NCOR1: variants seen among roughly 807,000 people sequenced by gnomAD.
NCOR1 encodes the protein protein phosphatase 1, regulatory subunit 109.
Under a neutral mutation model 288.1 loss-of-function variants are expected in NCOR1, and 63 were observed. That is an observed-to-expected ratio of 0.22 (90% CI 0.18 to 0.27). The LOEUF (loss-of-function observed/expected upper bound fraction) is 0.27. Among genes scored for constraint, NCOR1 ranks in the 10% least tolerant of loss-of-function variants. The pLI, the probability that NCOR1 is intolerant of heterozygous loss-of-function variation, is 1.00. For missense variants in NCOR1, 2,397 were observed against 3,019.2 expected (o/e 0.79, Z 4.83); for synonymous variants, 1,007 against 1,065.9 (o/e 0.94, Z 1.08).
intron 26 of NCOR1, 22 bp from the exon 27 acceptor site, chr17:16,075,724 A>G (rs1436792053): frequency 6.2e-7 from 1 of 1,613,134 alleles, no homozygotes. Context: ...TCAAGCATAA[A>G]TAGCAGAGGA....
intron 10 of NCOR1, among the ~76,000 whole-genome samples, chr17:16,145,293 G>A (rs1021137856): frequency 4.6e-5 from 7 of 152,210 alleles, no homozygotes; most frequent in Non-Finnish European, 1.0e-4. Flanking sequence ...CCAAAGTGCC[G>A]AGATTGCAGC....
chr17:16,131,141 G>A (rs759771223), intron 14 of NCOR1, among the ~76,000 whole-genome samples: 5 of 151,486 alleles, frequency 3.3e-5, no homozygotes, highest in African/African-American at 9.7e-5. Context: ...TACAGTGCAC[G>A]CCACTGTGCC....
chr17:16,046,984 A>T lies in NCOR1; in HGVS notation c.6646T>A (p.Leu2216Met), dbSNP rs767729391. ...GAGTCACCTCCACCAGAGGAGTTCAACTTACGAAAAATCTCCTGCTTCTTT... is the reference window on the plus strand; with the variant it reads ...GAGTCACCTCCACCAGAGGAGTTCATCTTACGAAAAATCTCCTGCTTCTTT... ...KSKKQEIFRKLNSSGGGDSDM... is the reference protein window; with the variant it reads ...KSKKQEIFRKMNSSGGGDSDM... The change falls in exon 42 of 46, where the codon TTG (leucine) becomes ATG (methionine). Residue 2216 changes from leucine to methionine, a missense_variant. Transcript: ENST00000268712. 1 of 1,614,028 alleles carries T rather than the reference A, an allele frequency of 6.2e-7. No individual in the cohort carries two copies. Among genetic ancestry groups the T allele is most frequent in the African/African-American group, 1.3e-5 (1 of 74,938 alleles).
intron 22 of NCOR1, among the ~76,000 whole-genome samples, chr17:16,090,487 G>T (rs2065001955): frequency 6.6e-6 from 1 of 152,134 alleles, no homozygotes; most frequent in East Asian, 1.9e-4. Context: ...TCTCCATTAT[G>T]TCATTCATTT....
chr17:16,182,477 C>T lies in NCOR1; in HGVS notation c.242+4077G>A, dbSNP rs145844322. 5.4e-3 allele frequency among the ~76,000 whole-genome samples: 820 copies of T among 152,146 alleles called. 7 individuals are homozygous for T. Among genetic ancestry groups the T allele is most frequent in the African/African-American group, 0.019 (775 of 41,518 alleles). ...ACTTATTTATTTTTTTTGTTTGAGA[C>T]GGAGTCTCGCTCTGTCACCCAGGAT... On this transcript the variant is annotated intron_variant, in intron 3 of 45. Transcript: ENST00000268712.
chr17:16,041,469 A>G (rs1247952684), intron 42 of NCOR1, among the ~76,000 whole-genome samples: 1 of 134,504 alleles, frequency 7.4e-6, no homozygotes, highest in Admixed American at 8.5e-5. Context: ...GCTGGAGTGC[A>G]ATGGCGTGAT....
chr17:16,055,485 G>A (rs777615476), intron 40 of NCOR1, among the ~76,000 whole-genome samples: 3 of 152,302 alleles, frequency 2.0e-5, no homozygotes, highest in South Asian at 2.1e-4. Flanking sequence ...GAGAACACAC[G>A]GACACATGGA....
chr17:16,137,064 G>A (rs1005311252), intron 14 of NCOR1, among the ~76,000 whole-genome samples: 7 of 152,014 alleles, frequency 4.6e-5, no homozygotes, highest in Non-Finnish European at 8.8e-5. Context: ...TGACTCAGAT[G>A]ACAGAATGGT....
At chr17:16,067,622 A>G (rs1176168740) in intron 32 of NCOR1, among the ~76,000 whole-genome samples, 6 of 152,224 alleles carry the variant, frequency 3.9e-5, no homozygotes, top group Admixed American at 3.3e-4. Context: ...AATTATTCAC[A>G]TTAATCCACT....
chr17:16,170,653 G>A (rs962432006), intron 4 of NCOR1, among the ~76,000 whole-genome samples: 5 of 151,974 alleles, frequency 3.3e-5, no homozygotes, highest in South Asian at 2.1e-4. Flanking sequence ...TGGCCAACAC[G>A]GTGAAACCCT....
chr17:16,055,917 A>C (rs2059859380), intron 40 of NCOR1, among the ~76,000 whole-genome samples: 1 of 152,154 alleles, frequency 6.6e-6, no homozygotes, highest in Non-Finnish European at 1.5e-5. Flanking sequence ...GATTTGCTTC[A>C]AAATTATCCA....
intron 44 of NCOR1, among the ~76,000 whole-genome samples, chr17:16,035,825 A>T (rs565836502): frequency 6.6e-6 from 1 of 152,238 alleles, no homozygotes; most frequent in Admixed American, 6.5e-5. Context: ...TACAGGCATG[A>T]GTCATCATAC....
At chr17:16,147,348 G>GCAGTGAGCCGAGATC (rs2078151163) in intron 9 of NCOR1, among the ~76,000 whole-genome samples, 2 of 152,156 alleles carry the variant, frequency 1.3e-5, no homozygotes, top group African/African-American at 4.8e-5. Flanking sequence ...GGTGGAGGTT[G>GCAGTGAGCCGAGATC]CAGTGAGCCG....
intron 38 of NCOR1, 133 bp downstream of exon 38, chr17:16,058,338 A>G: frequency 1.7e-6 from 2 of 1,186,562 alleles, no homozygotes; most frequent in Non-Finnish European, 2.3e-6. Flanking sequence ...TGCTGTTTCT[A>G]AAGAAGGCTC....
chr17:16,171,718 ACTTT>A (rs755642376), intron 4 of NCOR1, 81 bp downstream of exon 4: 28 of 1,230,360 alleles, frequency 2.3e-5, no homozygotes, highest in Admixed American at 3.5e-5. Context: ...GTGTAACTGG[ACTTT>A]CTTTGAGGTG....
rs1555686645 is a variant in NCOR1 at position 16,127,265 on chromosome 17, A to ATGTATGTATATATACGTGTATATATG, written c.1510-1060_1510-1059insCATATATACACGTATATATACATACA. On this transcript the variant is annotated intron_variant, in intron 14 of 45. Transcript: ENST00000268712. The stretch of plus-strand genomic sequence containing the variant: ...TATGTATGTATATATGTGTGTGTAT[A>ATGTATGTATATATACGTGTATATATG]TATGTATGTATATATACGTGTATAT... Among the ~76,000 whole-genome samples the ATGTATGTATATATACGTGTATATATG allele has an allele frequency of 2.9e-5, 3 of 103,958 alleles. 1 individual carries two copies. The East Asian group carries it at 6.2e-4, about 22-fold the overall frequency. The allele number at this position is 103,958 out of a possible 152,430, so 68.2% of individuals were successfully genotyped here.
At chr17:16,156,919 A>G (rs1015319250) in intron 6 of NCOR1, among the ~76,000 whole-genome samples, 4 of 152,200 alleles carry the variant, frequency 2.6e-5, no homozygotes, top group Non-Finnish European at 5.9e-5. Flanking sequence ...TAATAAATCC[A>G]TTAATAATTA....
At chr17:16,132,021 T>C (rs941177372) in intron 14 of NCOR1, among the ~76,000 whole-genome samples, 58 of 152,214 alleles carry the variant, frequency 3.8e-4, no homozygotes, top group Non-Finnish European at 7.8e-4. Flanking sequence ...CTTGCTGATA[T>C]AATAAACTTC....
Position 16,175,312 on chromosome 17 carries a change from T to A in NCOR1, c.243-3317A>T, listed in dbSNP as rs137999620. Among the ~76,000 whole-genome samples, 102 of 150,704 alleles carry A rather than the reference T, an allele frequency of 6.8e-4. 3 individuals carry two copies. In the East Asian group the frequency reaches 0.019, roughly 29 times the overall value. ...GAACCCAGGCAGAGGTTGCAGTGAG[T>A]CAAGATCACGCCACTGCACAACACA... On this transcript the variant is annotated intron_variant, in intron 3 of 45. Transcript: ENST00000268712.
Sources: gnomAD v4.1 joint callset for allele counts (sites outside exome capture counted in the v4.1 genomes callset) on GRCh38, gnomAD v4.1.1 for gene constraint, MANE v1.5 for transcripts, NCBI Gene and HGNC (gene_info 2026-07-23, HGNC 2026-07-21) for gene names.